The following EXOC6B variants were observed in gnomAD, a reference collection of about 807,000 sequenced individuals.
The protein encoded by EXOC6B is SEC15 homolog B.
A neutral mutation model predicts 113.5 loss-of-function variants in EXOC6B; 54 were observed. The observed-to-expected ratio is 0.48, with a 90% confidence interval of 0.38 to 0.60. The LOEUF is 0.60. EXOC6B is among the 20% of genes least tolerant of loss of function. The pLI, the probability that EXOC6B is intolerant of heterozygous loss-of-function variation, is 0.00. For synonymous variants in EXOC6B, 357 were observed against 339.0 expected, an observed-to-expected ratio of 1.05 and a Z score of -0.58; for missense variants, 797 against 977.5, an observed-to-expected ratio of 0.82 and a Z score of 2.46.
At chr2:72,770,766 G>A (rs1683366304) in intron 1 of EXOC6B, among the ~76,000 whole-genome samples, 1 of 152,090 alleles carries the variant, frequency 6.6e-6, no homozygotes. Flanking sequence ...GAGTACACAA[G>A]TTAAGTTTCA....
chr2:72,671,789 AAGAAAGAAAG>A (rs767317813), intron 6 of EXOC6B, among the ~76,000 whole-genome samples: 38 of 116,492 alleles, frequency 3.3e-4, no homozygotes, highest in Non-Finnish European at 5.4e-4. Flanking sequence ...GAAAGAAAGA[AAGAAAGAAAG>A]AAAGAAAGAA....
chr2:72,434,152 T>C (rs1368311135), intron 18 of EXOC6B, among the ~76,000 whole-genome samples: 1 of 152,216 alleles, frequency 6.6e-6, no homozygotes, highest in African/African-American at 2.4e-5. Context: ...TCTGCATCCA[T>C]TGAGATAATC....
chr2:72,696,556 T>G (rs1333484423), intron 6 of EXOC6B, among the ~76,000 whole-genome samples: 1 of 152,194 alleles, frequency 6.6e-6, no homozygotes, highest in Non-Finnish European at 1.5e-5. Flanking sequence ...GCTAATACAA[T>G]GTAGTGGACA....
At chr2:72,296,581 C>A (rs570735916) in intron 20 of EXOC6B, among the ~76,000 whole-genome samples, 6 of 152,068 alleles carry the variant, frequency 3.9e-5, no homozygotes, top group African/African-American at 1.4e-4. Flanking sequence ...AAAAAGTGTT[C>A]CAGGTGTTTC....
At chr2:72,379,314 T>C (rs1167742306) in intron 19 of EXOC6B, among the ~76,000 whole-genome samples, 1 of 152,260 alleles carries the variant, frequency 6.6e-6, no homozygotes, top group Non-Finnish European at 1.5e-5. Flanking sequence ...GACTAATTAA[T>C]GCACATACCA....
chr2:72,569,700 A>C (rs147977498), intron 7 of EXOC6B, among the ~76,000 whole-genome samples: 1 of 151,954 alleles, frequency 6.6e-6, no homozygotes, highest in Non-Finnish European at 1.5e-5. Context: ...TTAAGTTTAA[A>C]CTCTAAACTT....
intron 6 of EXOC6B, among the ~76,000 whole-genome samples, chr2:72,625,232 C>CAT (rs975740082): frequency 1.3e-4 from 20 of 150,874 alleles, no homozygotes; most frequent in African/African-American, 4.1e-4. Context: ...GTTTAAAATA[C>CAT]ATATATATAT....
chr2:72,252,338 T>A (rs1683075117), intron 20 of EXOC6B, among the ~76,000 whole-genome samples: 1 of 152,208 alleles, frequency 6.6e-6, no homozygotes, highest in African/African-American at 2.4e-5. Flanking sequence ...ACATCCCTAC[T>A]GTCTACTATT....
chr2:72,601,869 A>G (rs1043100689), intron 6 of EXOC6B, among the ~76,000 whole-genome samples: 3 of 152,216 alleles, frequency 2.0e-5, no homozygotes, highest in African/African-American at 7.2e-5. Context: ...GAAAAAGCAG[A>G]GAGGAACACT....
At chr2:72,679,659 A>G (rs1435798343) in intron 6 of EXOC6B, among the ~76,000 whole-genome samples, 1 of 152,250 alleles carries the variant, frequency 6.6e-6, no homozygotes, top group Non-Finnish European at 1.5e-5. Context: ...CAGAAAAAGC[A>G]AAGTGTGCAT....
chr2:72,333,527 C>T (rs987971299), intron 20 of EXOC6B, among the ~76,000 whole-genome samples: 8 of 152,106 alleles, frequency 5.3e-5, no homozygotes, highest in African/African-American at 1.9e-4. Flanking sequence ...TATCACTCCA[C>T]AAACCCTAAA....
chr2:72,650,398 G>A (rs995653846), intron 6 of EXOC6B, among the ~76,000 whole-genome samples: 8 of 152,110 alleles, frequency 5.3e-5, no homozygotes, highest in Non-Finnish European at 7.4e-5. Flanking sequence ...TCAGGAGATC[G>A]AGACCATCCT....
intron 8 of EXOC6B, among the ~76,000 whole-genome samples, chr2:72,544,301 A>G (rs1702781248): frequency 1.3e-5 from 2 of 152,150 alleles, no homozygotes; most frequent in South Asian, 2.1e-4. Context: ...ACACCTATTC[A>G]TTTCAAATTA....
At chr2:72,604,428 GA>G in intron 6 of EXOC6B, among the ~76,000 whole-genome samples, 1 of 152,288 alleles carries the variant, frequency 6.6e-6, no homozygotes, top group Non-Finnish European at 1.5e-5. Flanking sequence ...TAACGTTTGT[GA>G]GTGTTCTTTA....
In EXOC6B at chr2:72,410,136, G is replaced by T. The variant is rs188664670; in HGVS notation, c.1981-30266C>A. Among the ~76,000 whole-genome samples, 93 of 152,242 alleles carry T rather than the reference G, an allele frequency of 6.1e-4. 1 individual carries two copies. The East Asian group carries it at 0.013, about 21-fold the overall frequency. On this transcript the variant is annotated intron_variant, in intron 18 of 21. Coordinates refer to ENST00000272427, the MANE Select transcript of EXOC6B (RefSeq NM_015189.3). The stretch of plus-strand genomic sequence containing the variant: ...GACAAAATTGGTTCTGACAGTTTCT[G>T]CTTATTCTTCAATGTTTCTGTAGGA...
chr2:72,299,647 C>A (rs528835990), intron 20 of EXOC6B, among the ~76,000 whole-genome samples: 1 of 152,150 alleles, frequency 6.6e-6, no homozygotes, highest in South Asian at 2.1e-4. Context: ...AGCCTTTTTG[C>A]GCTGGTTTCT....
chr2:72,653,072 C>T (rs935843114), intron 6 of EXOC6B, among the ~76,000 whole-genome samples: 1 of 151,740 alleles, frequency 6.6e-6, no homozygotes, highest in Non-Finnish European at 1.5e-5. Flanking sequence ...CAGGAAAATA[C>T]TATAAATCAT....
intron 18 of EXOC6B, among the ~76,000 whole-genome samples, chr2:72,409,551 G>T (rs1694023060): frequency 6.6e-6 from 1 of 152,146 alleles, no homozygotes; most frequent in Non-Finnish European, 1.5e-5. Flanking sequence ...AAAATGATGA[G>T]TTCATGTCCT....
At chr2:72,530,801 G>A (rs1268721183) in intron 8 of EXOC6B, among the ~76,000 whole-genome samples, 1 of 152,038 alleles carries the variant, frequency 6.6e-6, no homozygotes, top group African/African-American at 2.4e-5. Flanking sequence ...ACTTCTTGAT[G>A]GATTGACCCT....
Sources: gnomAD v4.1 joint callset for allele counts (sites outside exome capture counted in the v4.1 genomes callset) on GRCh38, gnomAD v4.1.1 for gene constraint, MANE v1.5 for transcripts, NCBI Gene and HGNC (gene_info 2026-07-23, HGNC 2026-07-21) for gene names.